Variants in SYT1 observed in about 807,000 individuals in gnomAD.
The protein encoded by SYT1 is synaptotagmin-1.
A neutral mutation model predicts 44.8 loss-of-function variants in SYT1; 8 were observed. The ratio of observed to expected loss-of-function variants is 0.18; its 90% CI spans 0.10 to 0.32. The LOEUF (loss-of-function observed/expected upper bound fraction) is 0.32, where lower values mean the gene tolerates loss of function less well. Ranked by LOEUF, SYT1 falls within the 10% of genes least tolerant of loss-of-function variation. The pLI, the probability that SYT1 is intolerant of heterozygous loss-of-function variation, is 1.00. For missense variants in SYT1, 286 were observed against 509.3 expected, an observed-to-expected ratio of 0.56 and a Z score of 4.22; for synonymous variants, 154 against 188.8, an observed-to-expected ratio of 0.82 and a Z score of 1.51.
chr12:79,135,321 T>A (rs1216298314), intron 3 of SYT1, among the ~76,000 whole-genome samples: 1 of 151,072 alleles, frequency 6.6e-6, no homozygotes, highest in Non-Finnish European at 1.5e-5. Context: ...TTCTCATTGT[T>A]CAATTCCCAC....
intron 9 of SYT1, among the ~76,000 whole-genome samples, chr12:79,416,968 T>C (rs980954698): frequency 3.3e-5 from 5 of 152,000 alleles, no homozygotes; most frequent in Admixed American, 2.6e-4. Context: ...TCCTAATATG[T>C]GTGTGTGTGT....
chr12:79,299,910 A>G (rs1325770928), intron 8 of SYT1, among the ~76,000 whole-genome samples: 1 of 152,140 alleles, frequency 6.6e-6, no homozygotes, highest in Non-Finnish European at 1.5e-5. Context: ...TTTTTCCACA[A>G]TCATTTTGTG....
At chr12:79,306,106 T>C (rs1171105432) in intron 8 of SYT1, among the ~76,000 whole-genome samples, 2 of 152,238 alleles carry the variant, frequency 1.3e-5, no homozygotes. Context: ...GCAAGGATAT[T>C]GTCTGTTTTG....
intron 3 of SYT1, among the ~76,000 whole-genome samples, chr12:79,138,686 TAAAC>T (rs541245638): frequency 1.8e-4 from 28 of 152,352 alleles, no homozygotes; most frequent in African/African-American, 6.7e-4. Context: ...TGCATATGCA[TAAAC>T]AAACGATGCC....
rs79866199 is a variant in SYT1, at chr12:79,181,465, T to C, written c.-17-36038T>C. Among the ~76,000 whole-genome samples the C allele has an allele frequency of 4.0e-3, 608 of 152,188 alleles. 2 individuals carry two copies. The highest frequency in any genetic ancestry group is 0.014 in the African/African-American group (573 of 41,562). ...TTCTTAGAGTATGGATCAATACATA[T>C]AGCATTTTTGCCACTTTCTACTCAA... On this transcript the variant is annotated intron_variant, in intron 3 of 10. Transcript: ENST00000261205.
chr12:79,197,903 A>G (rs986916629), intron 3 of SYT1, among the ~76,000 whole-genome samples: 2 of 152,118 alleles, frequency 1.3e-5, no homozygotes, highest in Non-Finnish European at 2.9e-5. Flanking sequence ...TTTCTAAAAA[A>G]CTCTGGATAC....
chr12:79,150,477 G>T (rs1209081045), intron 3 of SYT1, among the ~76,000 whole-genome samples: 2 of 152,100 alleles, frequency 1.3e-5, no homozygotes, highest in South Asian at 4.1e-4. Flanking sequence ...TTTGGTCAAA[G>T]GATACAAATT....
intron 3 of SYT1, among the ~76,000 whole-genome samples, chr12:79,135,197 C>T (rs1869109984): frequency 6.6e-6 from 1 of 151,902 alleles, no homozygotes; most frequent in Non-Finnish European, 1.5e-5. Context: ...TGGTGTGCTG[C>T]ACCCATTAAC....
chr12:78,966,364 C>T (rs1879775299), intron 1 of SYT1, among the ~76,000 whole-genome samples: 1 of 151,972 alleles, frequency 6.6e-6, no homozygotes, highest in African/African-American at 2.4e-5. Context: ...GTACCCTTAT[C>T]ATCATTTTAA....
chr12:79,000,352 G>C, intron 2 of SYT1, among the ~76,000 whole-genome samples: 1 of 141,706 alleles, frequency 7.1e-6, no homozygotes, highest in Non-Finnish European at 1.5e-5. Context: ...GGAGTGCAAT[G>C]GCACAATCTC....
At chr12:78,873,451 A>T (rs1235053531) in intron 1 of SYT1, among the ~76,000 whole-genome samples, 1 of 151,692 alleles carries the variant, frequency 6.6e-6, no homozygotes, top group Non-Finnish European at 1.5e-5. Context: ...TATTCAAGGG[A>T]CATTTTTGTA....
intron 3 of SYT1, among the ~76,000 whole-genome samples, chr12:79,078,603 T>C (rs1876818709): frequency 6.6e-6 from 1 of 152,142 alleles, no homozygotes. Context: ...GGTAAACCTG[T>C]GTATGGTGGT....
chr12:79,015,067 G>C (rs1040592052), intron 2 of SYT1, among the ~76,000 whole-genome samples: 6 of 151,894 alleles, frequency 4.0e-5, no homozygotes, highest in East Asian at 1.9e-4. Context: ...GTTGTAGGGT[G>C]GGGGGAGAGG....
intron 4 of SYT1, among the ~76,000 whole-genome samples, chr12:79,257,620 T>C (rs910840514): frequency 1.1e-4 from 16 of 151,938 alleles, no homozygotes; most frequent in Non-Finnish European, 1.6e-4. Context: ...CCCGAGTAGC[T>C]GGGACTACAG....
intron 9 of SYT1, among the ~76,000 whole-genome samples, chr12:79,381,663 C>T (rs1158854293): frequency 1.3e-5 from 2 of 152,148 alleles, no homozygotes; most frequent in Non-Finnish European, 2.9e-5. Context: ...TTTAGATAGT[C>T]CTGGATGAAA....
rs367918118 is a variant in SYT1, at chr12:79,206,012, A to T, written c.-17-11491A>T. Among the ~76,000 whole-genome samples, 52 of 152,334 alleles carry T rather than the reference A, an allele frequency of 3.4e-4. 1 individual carries two copies. In the South Asian group the frequency reaches 0.011, roughly 31 times the overall value. ...ACTACAAGATGCACCATTATTTTAT[A>T]TAGCACTAAGGAAGCATGTTGAAAA... On this transcript the variant is annotated intron_variant, in intron 3 of 10. Transcript: ENST00000261205.
chr12:78,966,885 A>G (rs1868261494), intron 1 of SYT1, among the ~76,000 whole-genome samples: 7 of 152,226 alleles, frequency 4.6e-5, no homozygotes, highest in African/African-American at 1.4e-4. Context: ...AAGTCAATAT[A>G]TGCTGCTAAA....
chr12:78,910,619 A>C (rs979276858), intron 1 of SYT1, among the ~76,000 whole-genome samples: 2 of 152,024 alleles, frequency 1.3e-5, no homozygotes, highest in African/African-American at 4.8e-5. Context: ...AACACGCAAC[A>C]AGCAAAGCCC....
chr12:79,103,703 G>T (rs1878558837), intron 3 of SYT1, among the ~76,000 whole-genome samples: 1 of 152,052 alleles, frequency 6.6e-6, no homozygotes, highest in African/African-American at 2.4e-5. Context: ...TAAGAATGAT[G>T]TGACCTCTTA....
Sources: gnomAD v4.1 joint callset for allele counts (sites outside exome capture counted in the v4.1 genomes callset) on GRCh38, gnomAD v4.1.1 for gene constraint, MANE v1.5 for transcripts, NCBI Gene and HGNC (gene_info 2026-07-23, HGNC 2026-07-21) for gene names.